CADM2: variants seen among roughly 807,000 people sequenced by gnomAD.
CADM2 encodes cell adhesion molecule 2.
In CADM2, 12 loss-of-function variants were observed where a neutral mutation model predicts 49.8. That is an observed-to-expected ratio of 0.24 (90% CI 0.15 to 0.39). The LOEUF is 0.39. Among genes scored for constraint, CADM2 ranks in the 10% least tolerant of loss-of-function variants. The pLI, the probability that CADM2 is intolerant of heterozygous loss-of-function variation, is 1.00. For missense variants in CADM2, 378 were observed against 492.3 expected, an observed-to-expected ratio of 0.77 and a Z score of 2.20; for synonymous variants, 214 against 175.4, an observed-to-expected ratio of 1.22 and a Z score of -1.74.
Position 85,579,728 on chromosome 3 carries a change from G to A in CADM2, c.62-146794G>A, listed in dbSNP as rs573608903. Among the ~76,000 whole-genome samples the A allele has an allele frequency of 3.3e-5, 5 of 152,116 alleles. 1 individual carries two copies. The highest frequency in any genetic ancestry group is 1.2e-4 in the African/African-American group (5 of 41,528). ...AACATTTAAAATGATGAATGGCCTT[G>A]TGTAGAAAAAATATGGGCTCAATAC... On this transcript the variant is annotated intron_variant, in intron 1 of 9. Transcript: ENST00000383699.
At chr3:85,919,329 G>A (rs1395694442) in intron 6 of CADM2, among the ~76,000 whole-genome samples, 2 of 151,882 alleles carry the variant, frequency 1.3e-5, no homozygotes, top group Admixed American at 1.3e-4. Flanking sequence ...GCTTGTAGAG[G>A]AGACCCTGCA....
intron 1 of CADM2, among the ~76,000 whole-genome samples, chr3:85,328,900 CAAAA>C (rs11459054): frequency 7.3e-6 from 1 of 137,292 alleles, no homozygotes; most frequent in African/African-American, 2.6e-5. Flanking sequence ...TGTCTTCCCT[CAAAA>C]AAAAAAAAAA....
At chr3:85,495,650 C>T (rs988026326) in intron 1 of CADM2, among the ~76,000 whole-genome samples, 2 of 151,916 alleles carry the variant, frequency 1.3e-5, no homozygotes, top group African/African-American at 4.8e-5. Context: ...GCAGGTTGTA[C>T]GAGAAGCTTG....
intron 1 of CADM2, among the ~76,000 whole-genome samples, chr3:85,160,803 G>A (rs116798613): frequency 1.2e-3 from 189 of 152,238 alleles, no homozygotes; most frequent in African/African-American, 4.4e-3. Flanking sequence ...ACCAACAAAG[G>A]AATTTAATAA....
chr3:85,595,069 C>G (rs970144011), intron 1 of CADM2, among the ~76,000 whole-genome samples: 5 of 151,984 alleles, frequency 3.3e-5, no homozygotes, highest in African/African-American at 1.2e-4. Flanking sequence ...GTACTTCTCC[C>G]AAGGATCTCC....
intron 1 of CADM2, among the ~76,000 whole-genome samples, chr3:85,160,107 G>A (rs2040271100): frequency 6.6e-6 from 1 of 152,042 alleles, no homozygotes; most frequent in African/African-American, 2.4e-5. Context: ...TTAAAATTGT[G>A]TCTTTTTAAA....
chr3:85,013,293 T>C (rs570787817), intron 1 of CADM2, among the ~76,000 whole-genome samples: 2 of 152,142 alleles, frequency 1.3e-5, no homozygotes, highest in East Asian at 3.9e-4. Flanking sequence ...TATAGTTCTC[T>C]CCTGCTATGC....
intron 1 of CADM2, among the ~76,000 whole-genome samples, chr3:85,136,395 T>C (rs994601241): frequency 6.6e-6 from 1 of 151,788 alleles, no homozygotes; most frequent in Admixed American, 6.6e-5. Flanking sequence ...ACCTGTTACA[T>C]GGTGTTGAAA....
chr3:85,291,834 A>G (rs1331593802), intron 1 of CADM2, among the ~76,000 whole-genome samples: 2 of 148,284 alleles, frequency 1.3e-5, no homozygotes, highest in East Asian at 3.9e-4. Context: ...CTGCAAAATC[A>G]TGCCAAAATG....
At chr3:85,751,945 AT>A (rs2068878108) in intron 2 of CADM2, among the ~76,000 whole-genome samples, 1 of 152,122 alleles carries the variant, frequency 6.6e-6, no homozygotes, top group South Asian at 2.1e-4. Flanking sequence ...ACCTATGGTA[AT>A]TTTTCTTAGA....
intron 2 of CADM2, among the ~76,000 whole-genome samples, chr3:85,730,239 T>C (rs1329605948): frequency 1.3e-5 from 2 of 151,950 alleles, no homozygotes; most frequent in African/African-American, 4.8e-5. Flanking sequence ...GTCAGGAATT[T>C]GAGATCAGCC....
chr3:85,059,588 G>A (rs1182056995), intron 1 of CADM2, among the ~76,000 whole-genome samples: 1 of 152,146 alleles, frequency 6.6e-6, no homozygotes, highest in African/African-American at 2.4e-5. Flanking sequence ...ATTCCCATAT[G>A]TTGTGGGAGG....
intron 1 of CADM2, among the ~76,000 whole-genome samples, chr3:85,559,490 G>A (rs1451879617): frequency 6.6e-6 from 1 of 151,970 alleles, no homozygotes; most frequent in Non-Finnish European, 1.5e-5. Flanking sequence ...CCTAAATTAA[G>A]ATATAGTAAC....
chr3:85,529,265 G>A (rs1384561538), intron 1 of CADM2, among the ~76,000 whole-genome samples: 1 of 152,114 alleles, frequency 6.6e-6, no homozygotes, highest in East Asian at 1.9e-4. Flanking sequence ...CTTAGCGATT[G>A]GGTCTTTGCT....
At chr3:85,760,621 G>A (rs1424946977) in intron 2 of CADM2, among the ~76,000 whole-genome samples, 1 of 152,098 alleles carries the variant, frequency 6.6e-6, no homozygotes, top group Non-Finnish European at 1.5e-5. Flanking sequence ...TGCAGTATTA[G>A]CAGCACAGGA....
chr3:85,729,826 G>A (rs1277733769), intron 2 of CADM2, among the ~76,000 whole-genome samples: 1 of 152,086 alleles, frequency 6.6e-6, no homozygotes, highest in Non-Finnish European at 1.5e-5. Flanking sequence ...TTCTTTCTAA[G>A]GGTTTTTTCA....
At position 85,217,682 on chromosome 3, in the gene CADM2, AT is replaced by A. The variant is rs1473464255; in HGVS notation, c.61+258015del. Among the ~76,000 whole-genome samples the A allele has an allele frequency of 9.2e-5, 14 of 152,204 alleles. 2 individuals are homozygous for A. Among genetic ancestry groups the A allele is most frequent in the Admixed American group, 4.6e-4 (7 of 15,280 alleles). Reference sequence around the variant, plus strand: ...CAGAAAAATTACAGAAATTTGGGGAATCACTTGTGGCCACTTAGTGTTCCAT... The same window carrying A: ...CAGAAAAATTACAGAAATTTGGGGAACACTTGTGGCCACTTAGTGTTCCAT... On this transcript the variant is annotated intron_variant, in intron 1 of 9. Transcript: ENST00000383699.
intron 1 of CADM2, among the ~76,000 whole-genome samples, chr3:85,489,516 C>A (rs1310628819): frequency 6.6e-6 from 1 of 152,054 alleles, no homozygotes; most frequent in Non-Finnish European, 1.5e-5. Context: ...AACATCAATA[C>A]ATGAACATTA....
chr3:85,878,304 A>C (rs1445895126), intron 3 of CADM2, among the ~76,000 whole-genome samples: 2 of 152,096 alleles, frequency 1.3e-5, no homozygotes, highest in Non-Finnish European at 2.9e-5. Flanking sequence ...TAGAGGACTG[A>C]GACATATTTA....
Sources: allele counts gnomAD v4.1 joint callset (sites outside exome capture counted in the v4.1 genomes callset), GRCh38; gene constraint gnomAD v4.1.1; transcripts MANE v1.5; gene names NCBI Gene and HGNC (gene_info 2026-07-23, HGNC 2026-07-21).